Variants in FABP6 observed in about 807,000 individuals in gnomAD.
FABP6 encodes gastrotropin.
In FABP6, 13 loss-of-function variants were observed where a neutral mutation model predicts 14.9. The observed-to-expected ratio is 0.87, with a 90% CI of 0.57 to 1.39. The LOEUF is 1.39. Ranked by LOEUF, FABP6 falls within the 40% of genes most tolerant of loss-of-function variation. FABP6 has a pLI of 0.00. For missense variants in FABP6, 161 were observed against 167.2 expected (o/e 0.96, Z 0.20); for synonymous variants, 75 against 63.6 (o/e 1.18, Z -0.85).
intron 1 of FABP6, 180 bp from the exon 2 acceptor site, chr5:160,231,918 T>C (rs1580923610): frequency 1.6e-6 from 1 of 619,464 alleles, no homozygotes; most frequent in South Asian, 2.2e-5. Flanking sequence ...ATAGGGACTT[T>C]CCCCAGCCAC....
At chr5:160,202,670 G>A (rs968970407) in intron 2 of FABP6, among the ~76,000 whole-genome samples, 4 of 151,916 alleles carry the variant, frequency 2.6e-5, no homozygotes, top group African/African-American at 7.3e-5. Context: ...CAGGCGTGGT[G>A]TCAGGCGCCT....
chr5:160,222,988 T>C (rs1232925496), intron 3 of FABP6, among the ~76,000 whole-genome samples: 1 of 152,108 alleles, frequency 6.6e-6, no homozygotes, highest in African/African-American at 2.4e-5. Context: ...ATTTTTTAGG[T>C]TTTTTAGAGA....
chr5:160,203,505 A>G (rs1759690598), intron 2 of FABP6, among the ~76,000 whole-genome samples: 1 of 152,154 alleles, frequency 6.6e-6, no homozygotes, highest in African/African-American at 2.4e-5. Flanking sequence ...ATGGCATCTC[A>G]TAAATTTTAT....
intron 1 of FABP6, among the ~76,000 whole-genome samples, chr5:160,191,727 C>T (rs868330208): frequency 2.0e-5 from 3 of 150,094 alleles, no homozygotes; most frequent in South Asian, 2.1e-4. Context: ...TTTGGGAGGC[C>T]GAGGCGGGCA....
At chr5:160,200,224 G>C (rs553927637) in intron 2 of FABP6, among the ~76,000 whole-genome samples, 1 of 152,274 alleles carries the variant, frequency 6.6e-6, no homozygotes, top group Non-Finnish European at 1.5e-5. Flanking sequence ...GCTTAGCACT[G>C]TGCCTGCAGT....
At chr5:160,221,899 T>C (rs1414303311) in intron 3 of FABP6, among the ~76,000 whole-genome samples, 1 of 152,234 alleles carries the variant, frequency 6.6e-6, no homozygotes, top group African/African-American at 2.4e-5. Context: ...GTTTATCTAC[T>C]GAATTTAACA....
At chr5:160,229,357 C>T, upstream of FABP6, 2 of 1,293,644 alleles carry the variant, frequency 1.5e-6, no homozygotes, top group Non-Finnish European at 1.0e-6. Context: ...GGTGAATAAC[C>T]TCGGGGCTCT....
upstream of FABP6, chr5:160,229,428 G>T: frequency 6.5e-7 from 1 of 1,539,808 alleles, no homozygotes. Flanking sequence ...GGACAGGAGG[G>T]AGAAGAAGTG....
At chr5:160,234,964 C>T in intron 3 of FABP6, 55 bp downstream of exon 3, 1 of 1,521,204 alleles carries the variant, frequency 6.6e-7, no homozygotes, top group Non-Finnish European at 9.0e-7. Flanking sequence ...TGCCTCTTGG[C>T]CACAGCCCCT....
intron 3 of FABP6, among the ~76,000 whole-genome samples, chr5:160,223,023 A>T (rs1468777554): frequency 1.3e-5 from 2 of 151,662 alleles, no homozygotes; most frequent in Non-Finnish European, 2.9e-5. Context: ...GTTGCCCAGG[A>T]TGGAGTGCAG....
intron 1 of FABP6, among the ~76,000 whole-genome samples, chr5:160,193,690 C>G (rs1317330683): frequency 6.6e-6 from 1 of 152,178 alleles, no homozygotes; most frequent in East Asian, 1.9e-4. Context: ...ACTCACAAAC[C>G]CTGAGCTAGA....
Position 160,200,707 on chromosome 5 carries a change from C to G in FABP6, c.51+1550C>G, listed in dbSNP as rs148791655. On this transcript the variant is annotated intron_variant, in intron 2 of 6. Coordinates refer to the FABP6 transcript ENST00000393980. The stretch of plus-strand genomic sequence containing the variant: ...GGGGTTACAGGCGTGAGCCACCGCA[C>G]CCGGCAAGTCTTTAGTTTGAGGAGA... 9.3e-3 allele frequency among the ~76,000 whole-genome samples: 1,416 copies of G among 152,326 alleles called. 25 individuals are homozygous for G. Among genetic ancestry groups the G allele is most frequent in the African/African-American group, 0.033 (1,367 of 41,574 alleles).
At chr5:160,234,518 C>G (rs938682961) in intron 2 of FABP6, among the ~76,000 whole-genome samples, 1 of 151,616 alleles carries the variant, frequency 6.6e-6, no homozygotes, top group Non-Finnish European at 1.5e-5. Context: ...CCTCTGCCTC[C>G]CGGGTTCAAG....
chr5:160,237,194 C>T (rs1391080630), intron 3 of FABP6, among the ~76,000 whole-genome samples: 1 of 152,074 alleles, frequency 6.6e-6, no homozygotes, highest in African/African-American at 2.4e-5. Context: ...GCAGGAAGAG[C>T]ATAGGGCAGG....
chr5:160,225,158 G>T (rs982886942), upstream of FABP6, among the ~76,000 whole-genome samples: 6 of 151,336 alleles, frequency 4.0e-5, no homozygotes, highest in African/African-American at 1.5e-4. Context: ...GTGTGGTGGT[G>T]TGATGTCGGC....
intron 2 of FABP6, among the ~76,000 whole-genome samples, chr5:160,206,159 C>T (rs757814470): frequency 9.2e-5 from 14 of 152,098 alleles, no homozygotes; most frequent in South Asian, 2.1e-4. Flanking sequence ...GCAGGCTGGG[C>T]GTGGTGGCTC....
In FABP6 at chr5:160,212,670, C is replaced by T. The variant is rs1290614508; in HGVS notation, c.52-1066C>T. Among the ~76,000 whole-genome samples, 7 of 152,212 alleles carry T rather than the reference C, an allele frequency of 4.6e-5. No homozygotes were observed. The East Asian group carries it at 9.6e-4, about 21-fold the overall frequency. The stretch of plus-strand genomic sequence containing the variant: ...ATTTTTAGTAGAGACAGGGTTTCAC[C>T]GTGTTAGCCAGGCTGGTCTCGATCT... On this transcript the variant is annotated intron_variant, in intron 2 of 6. Coordinates refer to the FABP6 transcript ENST00000393980.
chr5:160,222,087 TTTC>T (rs1259349045), intron 3 of FABP6, among the ~76,000 whole-genome samples: 1 of 134,796 alleles, frequency 7.4e-6, no homozygotes, highest in Non-Finnish European at 1.6e-5. Context: ...TTCCAAATTT[TTTC>T]TTTTCTTTTT....
chr5:160,197,921 CGT>C (rs34714032), intron 1 of FABP6: 3,778 of 127,042 alleles, frequency 0.03, 145 homozygotes, highest in African/African-American at 0.09. Context: ...AAGGCTGCTT[CGT>C]GTGTGTGTGT....
Sources: allele counts gnomAD v4.1 joint callset (sites outside exome capture counted in the v4.1 genomes callset), GRCh38; gene constraint gnomAD v4.1.1; transcripts MANE v1.5; gene names NCBI Gene and HGNC (gene_info 2026-07-23, HGNC 2026-07-21).